BMAL2: variants seen among roughly 807,000 people sequenced by gnomAD.
BMAL2 encodes basic helix-loop-helix ARNT-like protein 2.
chr12:27,408,666 C>A, the BMAL2 span, among the ~76,000 whole-genome samples: 1 of 152,180 alleles, frequency 6.6e-6, no homozygotes, highest in African/African-American at 2.4e-5. Context: ...TGGAAGCATT[C>A]CCTTTGAAAA....
At chr12:27,415,049 A>T in the BMAL2 span, among the ~76,000 whole-genome samples, 1 of 152,206 alleles carries the variant, frequency 6.6e-6, no homozygotes, top group Non-Finnish European at 1.5e-5. Context: ...AATAGAGTAG[A>T]TAGGTGTTCA....
chr12:27,390,515 G>A, the BMAL2 span: 1 of 309,346 alleles, frequency 3.2e-6, no homozygotes, highest in Non-Finnish European at 5.9e-6. Flanking sequence ...AAAATGACAA[G>A]AGATGGAAAT....
the BMAL2 span, among the ~76,000 whole-genome samples, chr12:27,378,878 G>A: frequency 2.0e-5 from 3 of 152,260 alleles, no homozygotes; most frequent in South Asian, 6.2e-4. Flanking sequence ...ATCTAGAATT[G>A]ACAGGAGTTT....
the BMAL2 span, among the ~76,000 whole-genome samples, chr12:27,379,095 A>G: frequency 1.3e-5 from 2 of 152,214 alleles, no homozygotes; most frequent in African/African-American, 4.8e-5. Context: ...GCTGCATTCA[A>G]AGCCATCCTG....
the BMAL2 span, among the ~76,000 whole-genome samples, chr12:27,411,805 T>C: frequency 6.6e-6 from 1 of 152,188 alleles, no homozygotes; most frequent in Non-Finnish European, 1.5e-5. Flanking sequence ...GCCTTTTTAC[T>C]CTGTTTATCA....
chr12:27,418,815 T>A, the BMAL2 span, among the ~76,000 whole-genome samples: 6 of 151,978 alleles, frequency 3.9e-5, no homozygotes, highest in African/African-American at 1.4e-4. Flanking sequence ...CTATCTGTAC[T>A]GAAAATACAA....
At chr12:27,358,956 A>G in the BMAL2 span, among the ~76,000 whole-genome samples, 1 of 141,702 alleles carries the variant, frequency 7.1e-6, no homozygotes, top group African/African-American at 3.2e-5. Flanking sequence ...TTAATACTTA[A>G]TTTCTATCCA....
chr12:27,347,321 T>G, the BMAL2 span, among the ~76,000 whole-genome samples: 3 of 152,234 alleles, frequency 2.0e-5, no homozygotes, highest in Non-Finnish European at 4.4e-5. Flanking sequence ...ATGATCTTAT[T>G]TCTCAATAAT....
chr12:27,368,236 G>A, the BMAL2 span: 20 of 1,610,772 alleles, frequency 1.2e-5, no homozygotes, highest in Non-Finnish European at 1.6e-5. Context: ...TAAAATAAAT[G>A]TCTTGTTGTA....
At chr12:27,368,584 A>G in the BMAL2 span, among the ~76,000 whole-genome samples, 1 of 152,182 alleles carries the variant, frequency 6.6e-6, no homozygotes, top group South Asian at 2.1e-4. Context: ...GAACTTTTCC[A>G]TCCAGCTCTG....
chr12:27,376,255 T>A, the BMAL2 span: 1 of 1,139,946 alleles, frequency 8.8e-7, no homozygotes. Flanking sequence ...TTAGGATGAT[T>A]GATTGGACTT....
chr12:27,378,096 T>C, the BMAL2 span, among the ~76,000 whole-genome samples: 3 of 152,344 alleles, frequency 2.0e-5, no homozygotes, highest in East Asian at 5.8e-4. Context: ...CTGGAGTTGC[T>C]GTGTGTTGTA....
the BMAL2 span, among the ~76,000 whole-genome samples, chr12:27,343,208 T>C: frequency 6.6e-6 from 1 of 152,274 alleles, no homozygotes; most frequent in Non-Finnish European, 1.5e-5. Context: ...GTTTAAACAC[T>C]GTATTTAACA....
chr12:27,360,802 C>G, the BMAL2 span, among the ~76,000 whole-genome samples: 1 of 1,860 alleles, frequency 5.4e-4, no homozygotes, highest in Admixed American at 6.4e-3. Flanking sequence ...AGTGATTTGT[C>G]CAAAAAAAAA....
chr12:27,380,870 C>T, the BMAL2 span, among the ~76,000 whole-genome samples: 1 of 151,894 alleles, frequency 6.6e-6, no homozygotes, highest in Admixed American at 6.6e-5. Context: ...CTTGTAGTCC[C>T]AGCTACCTGG....
At chr12:27,354,234 G>T in the BMAL2 span, among the ~76,000 whole-genome samples, 1 of 152,184 alleles carries the variant, frequency 6.6e-6, no homozygotes, top group East Asian at 1.9e-4. Flanking sequence ...GTGCTACACA[G>T]CCATAAAAAA....
chr12:27,424,642 C>T, the BMAL2 span: 1 of 152,180 alleles, frequency 6.6e-6, no homozygotes, highest in African/African-American at 2.4e-5. Context: ...TTAGTAGTGT[C>T]CAGTTTCAGA....
At chr12:27,337,599 C>T in the BMAL2 span, among the ~76,000 whole-genome samples, 2 of 132,910 alleles carry the variant, frequency 1.5e-5, no homozygotes, top group South Asian at 2.3e-4. Context: ...GAAGGCTGAG[C>T]GCAGATGTCA....
At chr12:27,382,071 G>A in the BMAL2 span, among the ~76,000 whole-genome samples, 7 of 152,198 alleles carry the variant, frequency 4.6e-5, no homozygotes, top group Non-Finnish European at 8.8e-5. Context: ...CTTCCTGTTG[G>A]GAGCATGATG....
Sources: gnomAD v4.1 joint callset for allele counts (sites outside exome capture counted in the v4.1 genomes callset) on GRCh38, gnomAD v4.1.1 for gene constraint, MANE v1.5 for transcripts, NCBI Gene and HGNC (gene_info 2026-07-23, HGNC 2026-07-21) for gene names.